MINDY4: variants seen among roughly 807,000 people sequenced by gnomAD.
MINDY4 encodes probable ubiquitin carboxyl-terminal hydrolase MINDY-4.
MINDY4 carries 68 observed loss-of-function variants against 87.0 expected under a neutral mutation model. The observed-to-expected ratio is 0.78, with a 90% CI of 0.64 to 0.96. The LOEUF (loss-of-function observed/expected upper bound fraction) is 0.96. Ranked by LOEUF, MINDY4 falls within the 40% of genes least tolerant of loss-of-function variation. MINDY4 has a pLI of 0.00. For missense variants in MINDY4, 919 were observed against 928.2 expected (o/e 0.99, Z 0.13); for synonymous variants, 379 against 363.2 (o/e 1.04, Z -0.50).
rs565335877 is a variant in MINDY4 at position 30,851,431 on chromosome 7, TATG to T, written c.1548-782_1548-780del. On this transcript the variant is annotated intron_variant, in intron 10 of 17. Transcript: ENST00000265299. ...AGTCAGTATAAAGAAATGATATAAA[TATG>T]ATTATCAGTTTAAATCATTTTATCA... 1.4e-3 allele frequency among the ~76,000 whole-genome samples: 206 copies of T among 152,362 alleles called. 1 individual carries two copies. The highest frequency in any genetic ancestry group is 4.5e-3 in the African/African-American group (187 of 41,586).
chr7:30,790,389 C>CA (rs1362362625), intron 4 of MINDY4, among the ~76,000 whole-genome samples: 1 of 152,178 alleles, frequency 6.6e-6, no homozygotes, highest in African/African-American at 2.4e-5. Context: ...AGCAGCCTCA[C>CA]AGCAGTTAAG....
In MINDY4 at chr7:30,876,314, A is replaced by G. The variant is rs1790255970; in HGVS notation, c.1971+658A>G. ...CTTATACAGACCTCAGTCATATTGG[A>G]TTAAGGGCCCACCGTACTCCAGTAT... On this transcript the variant is annotated intron_variant, in intron 15 of 17. Transcript: ENST00000265299. 2.6e-5 allele frequency among the ~76,000 whole-genome samples: 4 copies of G among 152,228 alleles called. No individual in the cohort carries two copies. In the South Asian group the frequency reaches 8.3e-4, roughly 32 times the overall value.
rs1433092063 is a variant in MINDY4 at position 30,852,447 on chromosome 7, G to A, written c.1611+168G>A. ...GTGGGGACAGACGTGGGGTGGCTTT[G>A]GGGATGGGCTCCTGCTAGAGCTGGC... On this transcript the variant is annotated intron_variant, in intron 11 of 17. Coordinates refer to ENST00000265299, the MANE Select transcript of MINDY4 (RefSeq NM_032222.3). The A allele has an allele frequency of 5.9e-6, 5 of 845,762 alleles. 1 individual carries two copies. Among genetic ancestry groups the A allele is most frequent in the African/African-American group, 3.7e-5 (2 of 54,352 alleles). 52.4% of individuals were successfully genotyped at this position (845,762 alleles called of 1,614,324 possible). A position where few individuals can be genotyped will look rare whatever the true frequency, so the allele number is the denominator to read the frequency against.
intron 13 of MINDY4, among the ~76,000 whole-genome samples, chr7:30,871,560 T>C (rs1391391230): frequency 6.6e-6 from 1 of 152,222 alleles, no homozygotes; most frequent in Non-Finnish European, 1.5e-5. Flanking sequence ...AGCCCATTTC[T>C]TTCAGTTTGG....
chr7:30,773,436 T>C (rs916401498), intron 1 of MINDY4, among the ~76,000 whole-genome samples: 1 of 152,316 alleles, frequency 6.6e-6, no homozygotes, highest in Admixed American at 6.5e-5. Flanking sequence ...ATAATTAGAC[T>C]TCAAGTCTCT....
rs371058985 is a variant in MINDY4, at chr7:30,892,055, C to T, written c.*50C>T. The T allele has an allele frequency of 2.0e-5, 32 of 1,597,698 alleles. No individual in the cohort carries two copies. Among genetic ancestry groups the T allele is most frequent in the Admixed American group, 6.7e-5 (4 of 59,986 alleles). On this transcript the variant is annotated 3_prime_UTR_variant, in exon 18 of 18. Transcript: ENST00000265299. ...GGTCCACCACTCATCACCTCATCACCGAGGATGACAGCTGAACCCCAAGCC... is the reference window on the plus strand; with the variant it reads ...GGTCCACCACTCATCACCTCATCACTGAGGATGACAGCTGAACCCCAAGCC...
At chr7:30,882,742 G>A (rs577094431) in intron 16 of MINDY4, among the ~76,000 whole-genome samples, 179 bp from the exon 17 acceptor site, 2 of 152,292 alleles carry the variant, frequency 1.3e-5, no homozygotes, top group East Asian at 3.9e-4. Context: ...TGGGACACGG[G>A]TGGGGACCAG....
intron 5 of MINDY4, among the ~76,000 whole-genome samples, chr7:30,824,203 G>T (rs1172193646): frequency 6.6e-6 from 1 of 152,190 alleles, no homozygotes; most frequent in Non-Finnish European, 1.5e-5. Context: ...GCTAGTGGGG[G>T]CTCTCTGCAG....
At chr7:30,840,878 T>G (rs995357111) in intron 9 of MINDY4, 30 bp downstream of exon 9, 1 of 1,592,474 alleles carries the variant, frequency 6.3e-7, no homozygotes, top group South Asian at 1.1e-5. Flanking sequence ...GGCAATATCT[T>G]ATTTTCCCAA....
chr7:30,824,337 A>G (rs1419743027), intron 5 of MINDY4, among the ~76,000 whole-genome samples: 1 of 152,144 alleles, frequency 6.6e-6, no homozygotes. Flanking sequence ...TTATGATCCC[A>G]TTAATCCATT....
At chr7:30,792,812 A>C (rs909202004) in intron 5 of MINDY4, among the ~76,000 whole-genome samples, 1 of 151,918 alleles carries the variant, frequency 6.6e-6, no homozygotes, top group Non-Finnish European at 1.5e-5. Flanking sequence ...TTTTGGCTTT[A>C]TGTTTGTTTT....
intron 15 of MINDY4, among the ~76,000 whole-genome samples, chr7:30,881,612 T>A (rs1165211933): frequency 3.3e-5 from 5 of 152,182 alleles, no homozygotes; most frequent in Non-Finnish European, 7.3e-5. Flanking sequence ...AAGGGTATGA[T>A]CTGTCGAGCA....
At chr7:30,872,116 C>T (rs1790123635) in intron 13 of MINDY4, 127 bp from the exon 14 acceptor site, 1 of 855,774 alleles carries the variant, frequency 1.2e-6, no homozygotes, top group Non-Finnish European at 1.9e-6. Context: ...ACAGAGCGCT[C>T]AGGTTCCCAC....
intron 5 of MINDY4, among the ~76,000 whole-genome samples, chr7:30,800,025 T>C (rs1009668993): frequency 3.2e-4 from 48 of 152,256 alleles, no homozygotes; most frequent in Middle Eastern, 3.4e-3. Context: ...GGGCGGGCAG[T>C]GTGCAACCTC....
intron 5 of MINDY4, among the ~76,000 whole-genome samples, chr7:30,826,617 T>C (rs1049230255): frequency 1.2e-4 from 18 of 152,320 alleles, no homozygotes; most frequent in East Asian, 1.9e-4. Flanking sequence ...GCAGGATACC[T>C]TCATGGGCCT....
chr7:30,881,299 T>C (rs527735386), intron 15 of MINDY4, among the ~76,000 whole-genome samples: 45 of 152,358 alleles, frequency 3.0e-4, no homozygotes, highest in African/African-American at 1.1e-3. Context: ...AGCAACGTGC[T>C]GAGGGCCCTG....
At position 30,872,261 on chromosome 7, in the gene MINDY4, T is replaced by C. The variant is rs1376395777; in HGVS notation, c.1764T>C (p.Asp588=). The C allele has an allele frequency of 3.7e-6, 6 of 1,614,176 alleles. No individual in the cohort carries two copies. The highest frequency in any genetic ancestry group is 5.1e-6 in the Non-Finnish European group (6 of 1,180,004). ...TTTCCAGCATCCGCCAGGACTTTGA[T>C]GTCCCCACCAGCCACCTGATTGGAG... The part of the protein sequence containing the change: ...RSTELIRQDF[D]VPTSHLIGAH... The change falls in exon 14 of 18, where the codon GAT becomes GAC. Residue 588 remains aspartate, a synonymous_variant. Transcript: ENST00000265299.
chr7:30,853,529 C>A (rs1789482535), intron 12 of MINDY4, 70 bp downstream of exon 12: 1 of 1,336,524 alleles, frequency 7.5e-7, no homozygotes, highest in Non-Finnish European at 1.1e-6. Flanking sequence ...GGGAACAATG[C>A]TGTGAACTGG....
chr7:30,860,197 G>C (rs555187519), intron 13 of MINDY4, among the ~76,000 whole-genome samples: 25 of 152,256 alleles, frequency 1.6e-4, no homozygotes, highest in African/African-American at 5.8e-4. Context: ...AGGGTGAGTA[G>C]CCTTGTGGTG....
Sources: allele counts gnomAD v4.1 joint callset (sites outside exome capture counted in the v4.1 genomes callset), GRCh38; gene constraint gnomAD v4.1.1; transcripts MANE v1.5; gene names NCBI Gene and HGNC (gene_info 2026-07-23, HGNC 2026-07-21).